Variants in DPYD observed in about 807,000 individuals in gnomAD.
The protein encoded by DPYD is dihydropyrimidine dehydrogenase [NADP(+)].
Under a neutral mutation model 116.2 loss-of-function variants are expected in DPYD, and 109 were observed. The ratio of observed to expected loss-of-function variants is 0.94; its 90% CI spans 0.80 to 1.10. The LOEUF (loss-of-function observed/expected upper bound fraction) is 1.10, where lower values mean the gene tolerates loss of function less well. Ranked by LOEUF, DPYD falls within the 50% of genes least tolerant of loss-of-function variation. The probability of loss-of-function intolerance (pLI) is 0.00; values close to 1 mark genes in which losing one functional copy is unlikely to be tolerated. For synonymous variants in DPYD, 440 were observed against 432.0 expected (o/e 1.02, Z -0.23); for missense variants, 1,302 against 1,254.5 (o/e 1.04, Z -0.57).
At chr1:97,560,416 CA>C (rs1431149091) in intron 11 of DPYD, among the ~76,000 whole-genome samples, 7 of 151,716 alleles carry the variant, frequency 4.6e-5, no homozygotes, top group African/African-American at 1.2e-4. Flanking sequence ...ATAGTAAAGG[CA>C]AAAAACAGAA....
At chr1:97,644,557 TA>T (rs1295025718) in intron 8 of DPYD, among the ~76,000 whole-genome samples, 1 of 151,958 alleles carries the variant, frequency 6.6e-6, no homozygotes, top group East Asian at 1.9e-4. Context: ...GCCTCCCAAG[TA>T]GCTGGGACTC....
intron 19 of DPYD, among the ~76,000 whole-genome samples, chr1:97,223,433 C>G (rs571647999): frequency 6.7e-6 from 1 of 148,438 alleles, no homozygotes; most frequent in African/African-American, 2.5e-5. Flanking sequence ...ACACACACAT[C>G]CATACAATCT....
intron 18 of DPYD, among the ~76,000 whole-genome samples, chr1:97,264,406 G>A (rs978423827): frequency 5.3e-5 from 8 of 151,500 alleles, no homozygotes; most frequent in Non-Finnish European, 5.9e-5. Flanking sequence ...GGCTGGTCTT[G>A]AACTCCTGAG....
chr1:97,439,822 T>A (rs1356449394), intron 14 of DPYD, among the ~76,000 whole-genome samples: 1 of 152,076 alleles, frequency 6.6e-6, no homozygotes, highest in African/African-American at 2.4e-5. Flanking sequence ...ACTTGAGACT[T>A]TTTTTCATTT....
intron 19 of DPYD, among the ~76,000 whole-genome samples, chr1:97,217,016 T>A (rs1660449011): frequency 6.6e-6 from 1 of 152,106 alleles, no homozygotes; most frequent in African/African-American, 2.4e-5. Flanking sequence ...GAGACCAGCC[T>A]GACCAAGATG....
At chr1:97,840,283 A>C (rs1212759846) in intron 2 of DPYD, among the ~76,000 whole-genome samples, 1 of 152,058 alleles carries the variant, frequency 6.6e-6, no homozygotes, top group Admixed American at 6.6e-5. Context: ...TTAATCAACG[A>C]AATAGGAGTA....
chr1:97,347,691 C>G (rs1380883040), intron 16 of DPYD, among the ~76,000 whole-genome samples: 1 of 151,764 alleles, frequency 6.6e-6, no homozygotes, highest in Non-Finnish European at 1.5e-5. Flanking sequence ...TTTCAATTGA[C>G]AGACAAAATT....
intron 20 of DPYD, among the ~76,000 whole-genome samples, chr1:97,149,993 T>C: frequency 6.6e-6 from 1 of 152,196 alleles, no homozygotes; most frequent in East Asian, 1.9e-4. Flanking sequence ...AATGTGGCCA[T>C]TGTCAACCTT....
intron 19 of DPYD, among the ~76,000 whole-genome samples, chr1:97,216,080 T>A (rs868015839): frequency 2.0e-5 from 3 of 152,358 alleles, no homozygotes; most frequent in South Asian, 2.1e-4. Context: ...GCTTTTTCCA[T>A]AATGCATTTT....
chr1:97,822,538 A>G (rs1013015466), intron 3 of DPYD, among the ~76,000 whole-genome samples: 9 of 151,812 alleles, frequency 5.9e-5, no homozygotes, highest in African/African-American at 1.9e-4. Context: ...TATCACATTC[A>G]TATTATGCAT....
intron 16 of DPYD, among the ~76,000 whole-genome samples, chr1:97,318,623 T>A (rs1055501343): frequency 4.0e-5 from 6 of 151,670 alleles, no homozygotes; most frequent in African/African-American, 1.2e-4. Flanking sequence ...CTCCCACACA[T>A]TAATAATGAG....
chr1:97,512,131 C>A (rs1019944012), intron 13 of DPYD, among the ~76,000 whole-genome samples: 1 of 151,810 alleles, frequency 6.6e-6, no homozygotes, highest in Non-Finnish European at 1.5e-5. Flanking sequence ...ATTTATCCAG[C>A]GAATATTTAT....
intron 2 of DPYD, among the ~76,000 whole-genome samples, chr1:97,854,418 T>C (rs769478963): frequency 2.0e-5 from 3 of 152,214 alleles, no homozygotes; most frequent in Non-Finnish European, 2.9e-5. Context: ...ATTTATGTAA[T>C]ACATGGTTAT....
At chr1:97,551,696 CT>C (rs1305573590) in intron 11 of DPYD, among the ~76,000 whole-genome samples, 1 of 151,930 alleles carries the variant, frequency 6.6e-6, no homozygotes, top group Non-Finnish European at 1.5e-5. Context: ...GGAATAATTC[CT>C]TAGTTATCTC....
chr1:97,456,622 T>C (rs1324714063), intron 13 of DPYD, among the ~76,000 whole-genome samples: 2 of 152,098 alleles, frequency 1.3e-5, no homozygotes, highest in African/African-American at 2.4e-5. Flanking sequence ...TAATGAACTA[T>C]GTCTGGCAGG....
intron 16 of DPYD, among the ~76,000 whole-genome samples, chr1:97,366,739 T>C (rs1347920751): frequency 1.3e-5 from 2 of 152,244 alleles, no homozygotes; most frequent in East Asian, 1.9e-4. Context: ...CAGGAGCACA[T>C]ACCTAATCAG....
At chr1:97,419,716 C>T (rs955863389) in intron 14 of DPYD, among the ~76,000 whole-genome samples, 1 of 152,028 alleles carries the variant, frequency 6.6e-6, no homozygotes, top group African/African-American at 2.4e-5. Context: ...GCAACTTGGA[C>T]TACATTAAAA....
At chr1:97,495,235 G>C (rs1679198226) in intron 13 of DPYD, among the ~76,000 whole-genome samples, 1 of 152,080 alleles carries the variant, frequency 6.6e-6, no homozygotes, top group Non-Finnish European at 1.5e-5. Flanking sequence ...TTCTCCTGCA[G>C]ATAAGCAGGA....
intron 13 of DPYD, among the ~76,000 whole-genome samples, chr1:97,464,896 A>C (rs1158574709): frequency 6.6e-6 from 1 of 152,174 alleles, no homozygotes; most frequent in Non-Finnish European, 1.5e-5. Flanking sequence ...ACCATCCTCC[A>C]GACCCCAGAA....
Sources: allele counts gnomAD v4.1 joint callset (sites outside exome capture counted in the v4.1 genomes callset), GRCh38; gene constraint gnomAD v4.1.1; transcripts MANE v1.5; gene names NCBI Gene and HGNC (gene_info 2026-07-23, HGNC 2026-07-21).